The following PPM1E variants were observed in gnomAD, a reference collection of about 807,000 sequenced individuals.
PPM1E encodes the protein protein phosphatase, Mg2+/Mn2+ dependent 1E.
Under a neutral mutation model 65.9 loss-of-function variants are expected in PPM1E, and 20 were observed. That is an observed-to-expected ratio of 0.30 (90% CI 0.21 to 0.44). The LOEUF is 0.44. Among genes scored for constraint, PPM1E ranks in the 20% least tolerant of loss-of-function variants. PPM1E has a pLI of 1.00. For synonymous variants in PPM1E, 352 were observed against 374.9 expected (o/e 0.94, Z 0.70); for missense variants, 713 against 953.1 (o/e 0.75, Z 3.32).
chr17:58,906,607 G>A (rs1469714904), intron 1 of PPM1E, among the ~76,000 whole-genome samples: 1 of 151,840 alleles, frequency 6.6e-6, no homozygotes, highest in Non-Finnish European at 1.5e-5. Flanking sequence ...CAAAGTGCTG[G>A]GATTACAGGT....
At chr17:58,845,682 TTTTG>T (rs898561555) in intron 1 of PPM1E, among the ~76,000 whole-genome samples, 19 of 152,232 alleles carry the variant, frequency 1.2e-4, no homozygotes, top group African/African-American at 2.4e-4. Context: ...ATTTATTTAT[TTTTG>T]TTTGTTTGTT....
intron 1 of PPM1E, among the ~76,000 whole-genome samples, chr17:58,868,547 A>C (rs1394466657): frequency 7.2e-6 from 1 of 138,162 alleles, no homozygotes; most frequent in Non-Finnish European, 1.6e-5. Context: ...ATTTTCTACA[A>C]TCCTTTTTGA....
intron 1 of PPM1E, among the ~76,000 whole-genome samples, chr17:58,858,593 C>T (rs1003617915): frequency 7.9e-5 from 12 of 151,930 alleles, no homozygotes; most frequent in Non-Finnish European, 4.4e-5. Context: ...TGGCTTACTT[C>T]ATATAACATA....
At chr17:58,843,160 C>T (rs2050736809) in intron 1 of PPM1E, among the ~76,000 whole-genome samples, 1 of 151,082 alleles carries the variant, frequency 6.6e-6, no homozygotes, top group African/African-American at 2.4e-5. Context: ...GGTGGCGGCG[C>T]CTGTAGTCCC....
intron 1 of PPM1E, among the ~76,000 whole-genome samples, chr17:58,778,958 A>G (rs867994687): frequency 7.5e-6 from 1 of 133,594 alleles, no homozygotes. Context: ...ATATATATAT[A>G]TATGTAGTAT....
chr17:58,826,323 A>G (rs1228776425), intron 1 of PPM1E, among the ~76,000 whole-genome samples: 2 of 148,836 alleles, frequency 1.3e-5, no homozygotes, highest in Non-Finnish European at 3.0e-5. Context: ...AAAAAAAAAG[A>G]AAAGAAAGAA....
At chr17:58,935,942 G>C (rs2007472) in intron 1 of PPM1E, among the ~76,000 whole-genome samples, 2 of 151,702 alleles carry the variant, frequency 1.3e-5, no homozygotes, top group Non-Finnish European at 2.9e-5. Flanking sequence ...TTTAGCATTA[G>C]GTATATCTCC....
intron 1 of PPM1E, among the ~76,000 whole-genome samples, chr17:58,782,706 C>T (rs2050062578): frequency 6.6e-6 from 1 of 151,810 alleles, no homozygotes; most frequent in Non-Finnish European, 1.5e-5. Context: ...ACCACCGTAC[C>T]TGGCCTTAAC....
intron 1 of PPM1E, among the ~76,000 whole-genome samples, chr17:58,798,368 A>C (rs1459506106): frequency 6.6e-6 from 1 of 151,196 alleles, no homozygotes; most frequent in East Asian, 1.9e-4. Context: ...GGCTGGGATT[A>C]CAGGCAGGCG....
intron 1 of PPM1E, among the ~76,000 whole-genome samples, chr17:58,905,821 A>AT (rs1291021023): frequency 6.6e-6 from 1 of 152,100 alleles, no homozygotes; most frequent in Non-Finnish European, 1.5e-5. Flanking sequence ...AGGTGTATTA[A>AT]TTTTTATTAA....
chr17:58,782,017 A>G (rs1352090524), intron 1 of PPM1E, among the ~76,000 whole-genome samples: 1 of 152,154 alleles, frequency 6.6e-6, no homozygotes, highest in Admixed American at 6.6e-5. Flanking sequence ...TGTTTAGTAA[A>G]TATAGAACAG....
At chr17:58,782,405 G>GTTT (rs5821246) in intron 1 of PPM1E, among the ~76,000 whole-genome samples, 1 of 138,712 alleles carries the variant, frequency 7.2e-6, no homozygotes, top group Non-Finnish European at 1.6e-5. Context: ...TCAGGTTTTT[G>GTTT]TTTTTTTTTT....
chr17:58,859,276 C>G (rs1463838690), intron 1 of PPM1E, among the ~76,000 whole-genome samples: 2 of 152,198 alleles, frequency 1.3e-5, no homozygotes, highest in Admixed American at 6.5e-5. Flanking sequence ...CAAGACCTTT[C>G]CTGATCATTT....
At chr17:58,782,848 T>C (rs2050063836) in intron 1 of PPM1E, among the ~76,000 whole-genome samples, 2 of 152,166 alleles carry the variant, frequency 1.3e-5, no homozygotes, top group South Asian at 4.1e-4. Context: ...GATTTTAGAA[T>C]TATATTCAGA....
intron 1 of PPM1E, among the ~76,000 whole-genome samples, chr17:58,939,234 C>T (rs1241666399): frequency 6.6e-6 from 1 of 152,224 alleles, no homozygotes; most frequent in Non-Finnish European, 1.5e-5. Flanking sequence ...AATGCAGTTA[C>T]ATTTTTATAA....
At chr17:58,828,475 T>G (rs2050564782) in intron 1 of PPM1E, among the ~76,000 whole-genome samples, 1 of 151,802 alleles carries the variant, frequency 6.6e-6, no homozygotes, top group African/African-American at 2.4e-5. Context: ...TGTTTGTTTG[T>G]TTTTTTAAGA....
rs573002819 is a variant in PPM1E at position 58,909,706 on chromosome 17, A to G, written c.465-45943A>G. Among the ~76,000 whole-genome samples the G allele has an allele frequency of 6.6e-5, 10 of 151,632 alleles. No homozygotes were observed. In the East Asian group the frequency reaches 1.9e-3, roughly 29 times the overall value. On this transcript the variant is annotated intron_variant, in intron 1 of 6. Coordinates refer to ENST00000308249, the MANE Select transcript of PPM1E (RefSeq NM_014906.5). Reference sequence around the variant, plus strand: ...TGCTCCTCTGTAAGTAAGGTGTTTTATTTTTCTGGCTTCTTTCAAGATTTC... The same window carrying G: ...TGCTCCTCTGTAAGTAAGGTGTTTTGTTTTTCTGGCTTCTTTCAAGATTTC...
chr17:58,843,254 A>G (rs1427713877), intron 1 of PPM1E, among the ~76,000 whole-genome samples: 2 of 151,058 alleles, frequency 1.3e-5, no homozygotes, highest in Non-Finnish European at 2.9e-5. Context: ...TGAACCTGAG[A>G]GGCGGAGTTT....
At chr17:58,967,285 G>GT (rs2030311921) in intron 3 of PPM1E, among the ~76,000 whole-genome samples, 1 of 152,000 alleles carries the variant, frequency 6.6e-6, no homozygotes, top group Non-Finnish European at 1.5e-5. Context: ...TGACATAAAT[G>GT]TTTTTACAAC....
Sources: allele counts gnomAD v4.1 joint callset (sites outside exome capture counted in the v4.1 genomes callset), GRCh38; gene constraint gnomAD v4.1.1; transcripts MANE v1.5; gene names NCBI Gene and HGNC (gene_info 2026-07-23, HGNC 2026-07-21).